The following SGK3 variants were observed in gnomAD, a reference collection of about 807,000 sequenced individuals.
SGK3 encodes serine/threonine-protein kinase Sgk3.
SGK3 carries 47 observed loss-of-function variants against 68.5 expected under a neutral mutation model. The ratio of observed to expected loss-of-function variants is 0.69; its 90% CI spans 0.54 to 0.87. SGK3 has a LOEUF of 0.87. Among genes scored for constraint, SGK3 ranks in the 40% least tolerant of loss-of-function variants. The probability of loss-of-function intolerance (pLI) is 0.00; values close to 1 mark genes in which losing one functional copy is unlikely to be tolerated. For synonymous variants in SGK3, 181 were observed against 189.1 expected, an observed-to-expected ratio of 0.96 and a Z score of 0.35; for missense variants, 479 against 575.5, an observed-to-expected ratio of 0.83 and a Z score of 1.72.
intron 1 of SGK3, among the ~76,000 whole-genome samples, chr8:66,766,508 G>A (rs1382597315): frequency 6.6e-6 from 1 of 152,110 alleles, no homozygotes; most frequent in Admixed American, 6.5e-5. Context: ...GGGCGACAGA[G>A]CAAGACTGTC....
At chr8:66,767,614 G>C (rs1397006616) in intron 1 of SGK3, 3 of 1,367,208 alleles carry the variant, frequency 2.2e-6, no homozygotes, top group Non-Finnish European at 3.1e-6. Flanking sequence ...GTGCTCTTCA[G>C]GCAGGTCAAA....
Position 66,831,400 on chromosome 8 carries a change from G to A in SGK3, c.525+89G>A, listed in dbSNP as rs979349149. On this transcript the variant is annotated intron_variant, in intron 8 of 16. Transcript: ENST00000521198. ...CTCACTCTGTTGTCCAGGCTGGAGT[G>A]TAGTGGTGCAGTCATAGCACACTTG... The A allele has an allele frequency of 1.2e-5, 18 of 1,498,008 alleles. No individual in the cohort carries two copies. The African/African-American group carries it at 2.2e-4, about 19-fold the overall frequency. The allele number at this position is 1,498,008 out of a possible 1,614,324, so 92.8% of individuals were successfully genotyped here. A position where few individuals can be genotyped will look rare whatever the true frequency, so the allele number is the denominator to read the frequency against.
At chr8:66,817,346 GCCTGAA>G (rs1211849801) in intron 5 of SGK3, among the ~76,000 whole-genome samples, 11 of 151,792 alleles carry the variant, frequency 7.2e-5, no homozygotes, top group Non-Finnish European at 1.3e-4. Flanking sequence ...TAGGAGAATC[GCCTGAA>G]CCTGGGAGGC....
chr8:66,845,270 G>A (rs896994770), intron 14 of SGK3, among the ~76,000 whole-genome samples: 16 of 151,980 alleles, frequency 1.1e-4, no homozygotes, highest in East Asian at 3.9e-4. Context: ...ACAGTGGCAT[G>A]CCCCTGTAAT....
chr8:66,810,091 G>C (rs1390106216), intron 4 of SGK3, among the ~76,000 whole-genome samples: 1 of 152,100 alleles, frequency 6.6e-6, no homozygotes, highest in South Asian at 2.1e-4. Flanking sequence ...GAGAGAAGAA[G>C]AACTAAGTTC....
intron 13 of SGK3, among the ~76,000 whole-genome samples, chr8:66,842,781 T>G (rs535595463): frequency 3.5e-4 from 53 of 152,328 alleles, no homozygotes; most frequent in African/African-American, 1.2e-3. Context: ...CTACATTAAG[T>G]ATTCTTGCCG....
intron 3 of SGK3, among the ~76,000 whole-genome samples, chr8:66,800,207 G>A (rs555756476): frequency 5.9e-4 from 90 of 151,768 alleles, no homozygotes; most frequent in Non-Finnish European, 1.1e-3. Context: ...CAGGCGTGGT[G>A]GTGGGCGCCT....
chr8:66,780,497 G>A (rs572150468), intron 1 of SGK3, among the ~76,000 whole-genome samples: 9 of 152,282 alleles, frequency 5.9e-5, no homozygotes, highest in Middle Eastern at 3.4e-3. Context: ...CATTAAGGTG[G>A]CCATGAAGTT....
rs567713769 is a variant in SGK3 at position 66,757,929 on chromosome 8, A to G, written c.-121-35687A>G. Among the ~76,000 whole-genome samples, 12 of 144,874 alleles carry G rather than the reference A, an allele frequency of 8.3e-5. No homozygotes were observed. The South Asian group carries it at 1.1e-3, about 13-fold the overall frequency. ...GACTCCAGCTTAAAAAAAAAAGTGT[A>G]TATATATATATATACATATATATAT... On this transcript the variant is annotated intron_variant, in intron 1 of 16. Coordinates refer to ENST00000521198, the MANE Select transcript of SGK3 (RefSeq NM_001033578.3).
chr8:66,828,508 C>A, intron 6 of SGK3, 146 bp from the exon 7 acceptor site: 1 of 979,204 alleles, frequency 1.0e-6, no homozygotes, highest in Non-Finnish European at 1.5e-6. Context: ...AAGTCTATAC[C>A]CTTACTGAGA....
At chr8:66,839,927 G>A (rs1201193340) in intron 10 of SGK3, 76 bp from the exon 11 acceptor site, 25 of 1,324,610 alleles carry the variant, frequency 1.9e-5, no homozygotes, top group East Asian at 4.8e-5. Flanking sequence ...TGTATTTACC[G>A]AATATATTTG....
chr8:66,766,629 G>A (rs1044090089), intron 1 of SGK3, among the ~76,000 whole-genome samples: 5 of 152,180 alleles, frequency 3.3e-5, no homozygotes, highest in Admixed American at 1.3e-4. Context: ...ATTATGAAAG[G>A]GGTTTTGAAA....
At chr8:66,801,185 A>G (rs1807929236) in intron 3 of SGK3, among the ~76,000 whole-genome samples, 1 of 152,228 alleles carries the variant, frequency 6.6e-6, no homozygotes. Flanking sequence ...TATACTTATC[A>G]GTTAACCATC....
chr8:66,843,488 G>A lies in SGK3; in HGVS notation c.1015G>A (p.Asp339Asn), dbSNP rs1809876162. The A allele has an allele frequency of 3.7e-6, 6 of 1,613,770 alleles. No homozygotes were observed. The highest frequency in any genetic ancestry group is 5.1e-6 in the Non-Finnish European group (6 of 1,180,002). ...TGAAGTAATTAGAAAACAGCCCTAT[G>A]ACAATACTGTAGATTGGTGGTGCCT... Reference protein sequence around the residue: ...APEVIRKQPYDNTVDWWCLGA... With the variant: ...APEVIRKQPYNNTVDWWCLGA... The change falls in exon 14 of 17, where the codon GAC becomes AAC. Residue 339 changes from aspartate to asparagine, a missense_variant. This residue lies in a region of SGK3 where 173 missense variants were observed against 214.3 expected (regional missense o/e 0.81). Coordinates refer to ENST00000521198, the MANE Select transcript of SGK3 (RefSeq NM_001033578.3).
chr8:66,735,830 A>G lies in SGK3; in HGVS notation c.-122+22997A>G, dbSNP rs113595942. On this transcript the variant is annotated intron_variant, in intron 1 of 16. Coordinates refer to ENST00000521198, the MANE Select transcript of SGK3 (RefSeq NM_001033578.3). Reference sequence around the variant, plus strand: ...ATTAAATTTTACTTCTCAGGTTTCAATTTAGATGTTTCTTTCTGTGATTAA... The same window carrying G: ...ATTAAATTTTACTTCTCAGGTTTCAGTTTAGATGTTTCTTTCTGTGATTAA... Among the ~76,000 whole-genome samples the G allele has an allele frequency of 5.6e-3, 856 of 152,250 alleles. 4 individuals carry two copies. The highest frequency in any genetic ancestry group is 0.019 in the African/African-American group (783 of 41,540).
At position 66,822,434 on chromosome 8, in the gene SGK3, A is replaced by T; in HGVS notation, c.392A>T (p.Asp131Val). The part of the protein sequence containing the change: ...SPKHQSDPSE[D>V]EDERSSQKLH... ...AAACACCAGTCAGATCCATCTGAAG[A>T]TGAGGATGAAAGAAGTTCTCAGAAG... Residue 131 changes from aspartate (D) to valine (V), a missense_variant, in exon 6 of 17, where the codon GAT becomes GTT. Transcript: ENST00000521198. 6.2e-7 allele frequency: 1 copy of T among 1,611,862 alleles called. No individual in the cohort carries two copies. Among genetic ancestry groups the T allele is most frequent in the South Asian group, 1.1e-5 (1 of 90,610 alleles).
chr8:66,798,417 C>T (rs1807789067), intron 2 of SGK3, 125 bp from the exon 3 acceptor site: 6 of 678,670 alleles, frequency 8.8e-6, no homozygotes, highest in Admixed American at 2.8e-5. Flanking sequence ...AAACATCAGC[C>T]TTGGTGAAAG....
intron 5 of SGK3, among the ~76,000 whole-genome samples, chr8:66,816,517 T>G (rs1808591284): frequency 6.6e-6 from 1 of 151,918 alleles, no homozygotes; most frequent in Non-Finnish European, 1.5e-5. Flanking sequence ...GGCTAATTTT[T>G]GTATTTTTAG....
At chr8:66,744,510 TATATA>T (rs1243859924) in intron 1 of SGK3, among the ~76,000 whole-genome samples, 16 of 30,696 alleles carry the variant, frequency 5.2e-4, no homozygotes, top group South Asian at 1.1e-3. Context: ...TATATATATA[TATATA>T]TATATTTTTT....
Sources: allele counts gnomAD v4.1 joint callset (sites outside exome capture counted in the v4.1 genomes callset), GRCh38; gene constraint gnomAD v4.1.1; regional missense constraint gnomAD v4.1.1; transcripts MANE v1.5; gene names NCBI Gene and HGNC (gene_info 2026-07-23, HGNC 2026-07-21).